The following ZNF207 variants were observed in gnomAD, a reference collection of about 807,000 sequenced individuals.
ZNF207 encodes the protein zinc finger protein 207.
ZNF207 carries 24 observed loss-of-function variants against 60.2 expected under a neutral mutation model. The observed-to-expected ratio is 0.40, with a 90% CI of 0.29 to 0.56. The LOEUF is 0.56. Ranked by LOEUF, ZNF207 falls within the 20% of genes least tolerant of loss-of-function variation. ZNF207 has a pLI of 0.49. For missense variants in ZNF207, 452 were observed against 636.6 expected (o/e 0.71, Z 3.12); for synonymous variants, 236 against 194.7 (o/e 1.21, Z -1.77).
chr17:32,373,802 C>A lies in ZNF207; in HGVS notation c.*4043C>A, dbSNP rs1905564688. ...TCATTCAAGTTTTTTACTTTCACTT[C>A]TAGGAAAATCTTACTGGTTTTATTT... On this transcript the variant is annotated 3_prime_UTR_variant, in exon 12 of 12. Transcript: ENST00000394670. 1.7e-5 allele frequency: 3 copies of A among 175,878 alleles called. No homozygotes were observed. In the Admixed American group the frequency reaches 1.9e-4, roughly 11 times the overall value. 10.9% of individuals were successfully genotyped at this position (175,878 alleles called of 1,614,324 possible). A position where few individuals can be genotyped will look rare whatever the true frequency, so the allele number is the denominator to read the frequency against.
In ZNF207 at chr17:32,374,822, G is replaced by A. The variant is rs957106120; in HGVS notation, c.*5063G>A. 2 of 152,186 alleles carry A rather than the reference G, an allele frequency of 1.3e-5. No individual in the cohort carries two copies. Among genetic ancestry groups the A allele is most frequent in the African/African-American group, 4.8e-5 (2 of 41,446 alleles). 9.4% of individuals were successfully genotyped at this position (152,186 alleles called of 1,614,324 possible). ...CCTGTGGTAAAGTATGTTAAACTAT[G>A]GTTTTGGAGTGATTATTTTGAGGTT... On this transcript the variant is annotated 3_prime_UTR_variant, in exon 12 of 12. Coordinates refer to ENST00000394670, the MANE Select transcript of ZNF207 (RefSeq NM_001098507.2).
chr17:32,367,942 A>C lies in ZNF207; in HGVS notation c.1092A>C (p.Thr364=). The change falls in exon 10 of 12, where the codon ACA becomes ACC. Residue 364 remains threonine (T), a synonymous_variant. Coordinates refer to ENST00000394670, the MANE Select transcript of ZNF207 (RefSeq NM_001098507.2). ...STAAKPAASI[T]SKPATLTTTS... is the part of the protein sequence containing the mutation. ...CAGCTAAACCAGCGGCTTCAATAAC[A>C]AGTAAGCCTGCTACACTTACAACAA... 1.2e-6 allele frequency: 2 copies of C among 1,614,176 alleles called. No homozygotes were observed. The highest frequency in any genetic ancestry group is 2.2e-5 in the South Asian group (2 of 91,086).
rs767231849 is a variant in ZNF207, at chr17:32,361,492, C to G, written c.576C>G (p.Thr192=). 1.9e-6 allele frequency: 3 copies of G among 1,606,596 alleles called. No homozygotes were observed. The highest frequency in any genetic ancestry group is 4.5e-5 in the East Asian group (2 of 44,558). The change falls in exon 6 of 12, where the codon ACC becomes ACG. Residue 192 remains threonine, a synonymous_variant. Transcript: ENST00000394670. ...PPGLHHQRKY[T]QSFCGENIMM... is the part of the protein sequence containing the mutation. ...GATTGCATCATCAGAGAAAATACAC[C>G]CAGTCATTTTGCGGTGAAAACATGT...
intron 2 of ZNF207, among the ~76,000 whole-genome samples, chr17:32,352,248 G>A (rs2041521887): frequency 1.3e-5 from 2 of 152,138 alleles, no homozygotes; most frequent in Non-Finnish European, 2.9e-5. Context: ...GGGATTACAG[G>A]CGTGAGCCAC....
intron 8 of ZNF207, among the ~76,000 whole-genome samples, chr17:32,366,421 C>T (rs544661214): frequency 6.6e-5 from 10 of 152,208 alleles, no homozygotes; most frequent in Admixed American, 3.9e-4. Flanking sequence ...TAATGCAAAA[C>T]AGTAGTTTTA....
Position 32,362,913 on chromosome 17 carries a change from G to A in ZNF207, c.600-1G>A, listed in dbSNP as rs1904963902. 1 of 1,612,878 alleles carries A rather than the reference G, an allele frequency of 6.2e-7. No homozygotes were observed. On this transcript the variant is annotated splice_acceptor_variant, in intron 6 of 11. Transcript: ENST00000394670. LOFTEE classifies it high-confidence loss of function. The stretch of plus-strand genomic sequence containing the variant: ...GTTTCTTGAAATTTGCTTTCTAATA[G>A]AATGATGCCAATGGGTGGAATGATG...
At position 32,350,194 on chromosome 17, in the gene ZNF207, G is replaced by A. The variant is rs543469086; in HGVS notation, c.-92G>A. 3 of 1,573,428 alleles carry A rather than the reference G, an allele frequency of 1.9e-6. No individual in the cohort carries two copies. The highest frequency in any genetic ancestry group is 1.3e-5 in the African/African-American group (1 of 74,088). ...GTGTCTGCTTCCTGTGGGACGTGGT[G>A]GTAGCCGTTGGGTTGGGAAAGTGAG... is the stretch of plus-strand genomic sequence containing the variant. On this transcript the variant is annotated 5_prime_UTR_variant, in exon 1 of 12. Coordinates refer to ENST00000394670, the MANE Select transcript of ZNF207 (RefSeq NM_001098507.2).
At chr17:32,359,370 C>T (rs1397082112) in intron 3 of ZNF207, among the ~76,000 whole-genome samples, 1 of 152,034 alleles carries the variant, frequency 6.6e-6, no homozygotes, top group African/African-American at 2.4e-5. Flanking sequence ...CTCGGCCTCC[C>T]AAAGTGCTGG....
At chr17:32,358,408 C>A in intron 2 of ZNF207, 95 bp from the exon 3 acceptor site, 1 of 1,268,704 alleles carries the variant, frequency 7.9e-7, no homozygotes, top group Non-Finnish European at 1.1e-6. Flanking sequence ...CATGGCCTCA[C>A]TATAGAACAT....
At position 32,370,195 on chromosome 17, in the gene ZNF207, A is replaced by C. The variant is rs1234319495; in HGVS notation, c.*436A>C. ...TTGGTGAGGGCTGTAACTGTTTCCA[A>C]GTACTTGTACATTGGAAGTCTGAAT... On this transcript the variant is annotated 3_prime_UTR_variant, in exon 12 of 12. Coordinates refer to ENST00000394670, the MANE Select transcript of ZNF207 (RefSeq NM_001098507.2). 6.5e-6 allele frequency: 1 copy of C among 153,510 alleles called. No homozygotes were observed. The highest frequency in any genetic ancestry group is 2.1e-4 in the South Asian group (1 of 4,840). The allele number at this position is 153,510 out of a possible 1,614,324, so 9.5% of individuals were successfully genotyped here. A position where few individuals can be genotyped will look rare whatever the true frequency, so the allele number is the denominator to read the frequency against.
intron 2 of ZNF207, among the ~76,000 whole-genome samples, chr17:32,353,034 T>C (rs564755403): frequency 5.3e-5 from 8 of 152,044 alleles, no homozygotes; most frequent in African/African-American, 1.9e-4. Context: ...ATTAGCCGGG[T>C]GTGGTGGCAT....
In ZNF207 at chr17:32,366,661, A is replaced by G. The variant is rs1302908371; in HGVS notation, c.829-4A>G. On this transcript the variant is annotated splice_region_variant and splice_polypyrimidine_tract_variant and intron_variant, in intron 8 of 11. Transcript: ENST00000394670. ...TTCATTGTTTCCTTTCTTTTATGCT[A>G]CAGATGGGGACACCTGTCACAAGCT... 1.3e-6 allele frequency: 2 copies of G among 1,599,174 alleles called. No individual in the cohort carries two copies. The highest frequency in any genetic ancestry group is 1.8e-5 in the Admixed American group (1 of 56,738).
chr17:32,365,969 G>A (rs1905144130), intron 8 of ZNF207, among the ~76,000 whole-genome samples: 1 of 151,966 alleles, frequency 6.6e-6, no homozygotes, highest in South Asian at 2.1e-4. Flanking sequence ...AGGCACACTG[G>A]TATTTCTTAC....
Position 32,366,715 on chromosome 17 carries a change from T to C in ZNF207, c.879T>C (p.Ser293=), listed in dbSNP as rs764012488. Residue 293 remains serine, a synonymous_variant, in exon 9 of 12, where the codon AGT becomes AGC. Coordinates refer to ENST00000394670, the MANE Select transcript of ZNF207 (RefSeq NM_001098507.2). Reference sequence around the variant, plus strand: ...GTACAGCTTCATCCAATTCAGAAAGTCTGTCTGCATCTTCTAAAGCTCTGT... The same window carrying C: ...GTACAGCTTCATCCAATTCAGAAAGCCTGTCTGCATCTTCTAAAGCTCTGT... ...SSSTASSNSE[S]LSASSKALFP... The C allele has an allele frequency of 6.2e-7, 1 of 1,611,728 alleles. No homozygotes were observed. The highest frequency in any genetic ancestry group is 1.7e-4 in the Middle Eastern group (1 of 6,054).
intron 3 of ZNF207, among the ~76,000 whole-genome samples, chr17:32,360,087 A>G (rs903638026): frequency 4.6e-5 from 7 of 151,238 alleles, no homozygotes; most frequent in Admixed American, 2.6e-4. Context: ...GTTAAGGCAT[A>G]TGAAAATGAA....
rs565757306 is a variant in ZNF207, at chr17:32,351,929, T to G, written c.168+17T>G. Reference sequence around the variant, plus strand: ...TGCATGCAGGTAAGGATTTTTCTTCTGTATTTATTGTCCGCTTGTGATTTG... The same window carrying G: ...TGCATGCAGGTAAGGATTTTTCTTCGGTATTTATTGTCCGCTTGTGATTTG... On this transcript the variant is annotated intron_variant, in intron 2 of 11. Transcript: ENST00000394670. The G allele has an allele frequency of 1.1e-5, 17 of 1,515,006 alleles. No individual in the cohort carries two copies. In the South Asian group the frequency reaches 2.1e-4, roughly 18 times the overall value. 93.8% of individuals were successfully genotyped at this position (1,515,006 alleles called of 1,614,324 possible). A position where few individuals can be genotyped will look rare whatever the true frequency, so the allele number is the denominator to read the frequency against.
chr17:32,367,243 A>T (rs1303645333), intron 9 of ZNF207, among the ~76,000 whole-genome samples: 1 of 51,022 alleles, frequency 2.0e-5, no homozygotes, highest in Non-Finnish European at 3.5e-5. Context: ...AGGGGATTAT[A>T]TATATATATA....
intron 6 of ZNF207, among the ~76,000 whole-genome samples, chr17:32,362,564 C>T (rs1904948349): frequency 6.6e-6 from 1 of 152,192 alleles, no homozygotes; most frequent in East Asian, 1.9e-4. Context: ...CTTTAATACT[C>T]TGTGGATATT....
At chr17:32,359,338 C>G (rs1481502447) in intron 3 of ZNF207, among the ~76,000 whole-genome samples, 1 of 152,152 alleles carries the variant, frequency 6.6e-6, no homozygotes, top group Non-Finnish European at 1.5e-5. Flanking sequence ...GTCTTGAACT[C>G]CTGACCTCGT....
Sources: allele counts gnomAD v4.1 joint callset (sites outside exome capture counted in the v4.1 genomes callset), GRCh38; gene constraint gnomAD v4.1.1; transcripts MANE v1.5; gene names NCBI Gene and HGNC (gene_info 2026-07-23, HGNC 2026-07-21).